The following MAPKAP1 variants were observed in gnomAD, a reference collection of about 807,000 sequenced individuals.
MAPKAP1 encodes target of rapamycin complex 2 subunit MAPKAP1.
MAPKAP1 carries 20 observed loss-of-function variants against 65.7 expected under a neutral mutation model. The ratio of observed to expected loss-of-function variants is 0.30; its 90% CI spans 0.21 to 0.44. The LOEUF is 0.44. Ranked by LOEUF, MAPKAP1 falls within the 20% of genes least tolerant of loss-of-function variation. The probability of loss-of-function intolerance (pLI) is 1.00; values close to 1 mark genes in which losing one functional copy is unlikely to be tolerated. For missense variants in MAPKAP1, 423 were observed against 648.0 expected, an observed-to-expected ratio of 0.65 and a Z score of 3.77; for synonymous variants, 222 against 244.3, an observed-to-expected ratio of 0.91 and a Z score of 0.85.
At chr9:125,501,016 T>G (rs73591563) in intron 8 of MAPKAP1, among the ~76,000 whole-genome samples, 4 of 152,186 alleles carry the variant, frequency 2.6e-5, no homozygotes, top group Non-Finnish European at 5.9e-5. Flanking sequence ...CACTATGGTA[T>G]GGTACTAGAT....
intron 10 of MAPKAP1, among the ~76,000 whole-genome samples, chr9:125,458,565 G>T (rs1361060241): frequency 6.6e-6 from 1 of 152,012 alleles, no homozygotes; most frequent in Middle Eastern, 3.2e-3. Context: ...TCCCAAGGCA[G>T]AAGAATCTTT....
At chr9:125,609,042 G>A (rs955409709) in intron 4 of MAPKAP1, among the ~76,000 whole-genome samples, 1 of 152,170 alleles carries the variant, frequency 6.6e-6, no homozygotes, top group Non-Finnish European at 1.5e-5. Context: ...TATCAAGAGG[G>A]AGAGAAAAAA....
At chr9:125,516,732 T>A (rs972778227) in intron 7 of MAPKAP1, among the ~76,000 whole-genome samples, 1 of 152,224 alleles carries the variant, frequency 6.6e-6, no homozygotes, top group Non-Finnish European at 1.5e-5. Context: ...CTGGCTCTTT[T>A]ACAAGTTATG....
intron 9 of MAPKAP1, chr9:125,471,801 C>T (rs962914578): frequency 1.3e-5 from 2 of 152,358 alleles, no homozygotes; most frequent in Admixed American, 6.5e-5. Flanking sequence ...GTTTCTGCTT[C>T]GGCAGGCTCG....
At chr9:125,686,979 C>A (rs1452805367) in intron 1 of MAPKAP1, among the ~76,000 whole-genome samples, 1 of 152,022 alleles carries the variant, frequency 6.6e-6, no homozygotes, top group Non-Finnish European at 1.5e-5. Flanking sequence ...GGTGCCACCA[C>A]CACGCCCGGC....
chr9:125,555,555 C>T (rs1475777418), intron 6 of MAPKAP1, among the ~76,000 whole-genome samples: 3 of 152,094 alleles, frequency 2.0e-5, no homozygotes, highest in East Asian at 1.9e-4. Flanking sequence ...AAGGCAGGAA[C>T]GGGTGTAAAA....
At position 125,444,614 on chromosome 9, in the gene MAPKAP1, ACTGTGTTGAGGGGTT is replaced by A. The variant is rs1302517395; in HGVS notation, c.1346-31_1346-17del. 6.3e-7 allele frequency: 1 copy of A among 1,595,036 alleles called. No homozygotes were observed. Among genetic ancestry groups the A allele is most frequent in the Non-Finnish European group, 8.6e-7 (1 of 1,164,222 alleles). On this transcript the variant is annotated splice_polypyrimidine_tract_variant and intron_variant, in intron 10 of 11. Transcript: ENST00000265960. Reference sequence around the variant, plus strand: ...ATTGCGTGACCTGCAGAGACAGAAAACTGTGTTGAGGGGTTCTGGTGAGTTAACTATGGCGGGGGC... The same window carrying A: ...ATTGCGTGACCTGCAGAGACAGAAAACTGGTGAGTTAACTATGGCGGGGGC...
intron 1 of MAPKAP1, among the ~76,000 whole-genome samples, chr9:125,703,679 A>G (rs2416970): frequency 2.0e-5 from 3 of 151,668 alleles, no homozygotes; most frequent in African/African-American, 4.9e-5. Flanking sequence ...GGCTGAGGCA[A>G]GAGAATCTCT....
At chr9:125,579,514 A>G (rs1055300991) in intron 5 of MAPKAP1, among the ~76,000 whole-genome samples, 1 of 152,092 alleles carries the variant, frequency 6.6e-6, no homozygotes, top group South Asian at 2.1e-4. Context: ...GCTGGTGTTG[A>G]ACTTCTGACC....
chr9:125,602,744 T>C (rs1368159109), intron 4 of MAPKAP1, among the ~76,000 whole-genome samples: 1 of 152,172 alleles, frequency 6.6e-6, no homozygotes, highest in East Asian at 1.9e-4. Flanking sequence ...TCTCATTTAA[T>C]ATGCCCAACA....
chr9:125,461,188 G>A (rs1263209459), intron 10 of MAPKAP1, among the ~76,000 whole-genome samples: 1 of 152,212 alleles, frequency 6.6e-6, no homozygotes, highest in Admixed American at 6.5e-5. Context: ...ATTAGATGAC[G>A]CAAGCTGGCC....
intron 1 of MAPKAP1, among the ~76,000 whole-genome samples, chr9:125,687,782 TCTTAA>T (rs926443915): frequency 6.6e-6 from 1 of 152,188 alleles, no homozygotes; most frequent in Non-Finnish European, 1.5e-5. Context: ...AGACCCTCTC[TCTTAA>T]ATTTTTTAAA....
At chr9:125,511,399 T>G (rs984193725) in intron 7 of MAPKAP1, among the ~76,000 whole-genome samples, 1 of 152,196 alleles carries the variant, frequency 6.6e-6, no homozygotes, top group Non-Finnish European at 1.5e-5. Context: ...AGAGGTTAAA[T>G]AACTTGCTCA....
chr9:125,675,869 TAA>T (rs1834630416), intron 1 of MAPKAP1, among the ~76,000 whole-genome samples: 1 of 152,210 alleles, frequency 6.6e-6, no homozygotes, highest in African/African-American at 2.4e-5. Context: ...CTTTTTTTCG[TAA>T]TACAAGAGCA....
chr9:125,565,029 G>A (rs796936682), intron 5 of MAPKAP1, among the ~76,000 whole-genome samples: 16 of 152,288 alleles, frequency 1.1e-4, no homozygotes, highest in African/African-American at 2.9e-4. Context: ...AACAACGAAT[G>A]GATGCAAAAT....
chr9:125,614,752 T>C (rs975930580), intron 4 of MAPKAP1, among the ~76,000 whole-genome samples: 2 of 152,178 alleles, frequency 1.3e-5, no homozygotes, highest in African/African-American at 2.4e-5. Flanking sequence ...GTAATAATTA[T>C]TGTAGCTAAC....
At position 125,707,176 on chromosome 9, in the gene MAPKAP1, G is replaced by T; in HGVS notation, c.-275C>A. On this transcript the variant is annotated 5_prime_UTR_variant, in exon 1 of 12. Transcript: ENST00000265960. Reference sequence around the variant, plus strand: ...CTGCTCGCCGCCGCCGGCCGGCCGAGCAGCAGCCCTATTACCCCGAGCCGC... The same window carrying T: ...CTGCTCGCCGCCGCCGGCCGGCCGATCAGCAGCCCTATTACCCCGAGCCGC... The T allele has an allele frequency of 2.5e-6, 1 of 398,190 alleles. No homozygotes were observed. Among genetic ancestry groups the T allele is most frequent in the East Asian group, 3.6e-5 (1 of 28,038 alleles). The allele number at this position is 398,190 out of a possible 1,614,324, so 24.7% of individuals were successfully genotyped here. A position where few individuals can be genotyped will look rare whatever the true frequency, so the allele number is the denominator to read the frequency against.
chr9:125,438,794 C>A lies in MAPKAP1; in HGVS notation c.*93G>T. On this transcript the variant is annotated 3_prime_UTR_variant, in exon 12 of 12. Transcript: ENST00000265960. The stretch of plus-strand genomic sequence containing the variant: ...CAGTGAGCCAGGGGCTGGCCTCCCC[C>A]CGAGGACTTCAGGACACCGGGTGGA... 1.3e-6 allele frequency: 2 copies of A among 1,546,876 alleles called. No homozygotes were observed. Among genetic ancestry groups the A allele is most frequent in the South Asian group, 1.2e-5 (1 of 83,620 alleles).
chr9:125,681,073 A>G (rs1043538133), intron 1 of MAPKAP1, among the ~76,000 whole-genome samples: 3 of 152,358 alleles, frequency 2.0e-5, no homozygotes, highest in African/African-American at 7.2e-5. Context: ...CTCATTTTAT[A>G]GATCTAAAAA....
Sources: allele counts gnomAD v4.1 joint callset (sites outside exome capture counted in the v4.1 genomes callset), GRCh38; gene constraint gnomAD v4.1.1; transcripts MANE v1.5; gene names NCBI Gene and HGNC (gene_info 2026-07-23, HGNC 2026-07-21).